ZFAND3: variants seen among roughly 807,000 people sequenced by gnomAD.
The protein encoded by ZFAND3 is AN1-type zinc finger protein 3.
A neutral mutation model predicts 29.6 loss-of-function variants in ZFAND3; 10 were observed. The observed-to-expected ratio is 0.34, with a 90% CI of 0.21 to 0.57. The LOEUF (loss-of-function observed/expected upper bound fraction) is 0.57, where lower values mean the gene tolerates loss of function less well. ZFAND3 is among the 20% of genes least tolerant of loss of function. The pLI is 0.86. For missense variants in ZFAND3, 230 were observed against 304.5 expected (o/e 0.76, Z 1.82); for synonymous variants, 128 against 112.6 (o/e 1.14, Z -0.87).
At chr6:38,119,908 A>C (rs1765496273) in intron 5 of ZFAND3, among the ~76,000 whole-genome samples, 1 of 152,226 alleles carries the variant, frequency 6.6e-6, no homozygotes, top group Non-Finnish European at 1.5e-5. Flanking sequence ...ATGGGCTTTC[A>C]GTAAGGAGGA....
intron 2 of ZFAND3, among the ~76,000 whole-genome samples, chr6:37,999,128 C>T (rs2127438713): frequency 6.6e-6 from 1 of 152,250 alleles, no homozygotes; most frequent in East Asian, 1.9e-4. Flanking sequence ...CTTTAAAAAA[C>T]CCCACAATGA....
rs76055357 is a variant in ZFAND3 at position 38,125,397 on chromosome 6, A to G, written c.529+8658A>G. ...CTGTCCCAGAGACCCAGCCTACCCT[A>G]TGTTCTTTGACAGGGCTGTAGAGAG... is the stretch of plus-strand genomic sequence containing the variant. On this transcript the variant is annotated intron_variant, in intron 5 of 5. Coordinates refer to ENST00000287218, the MANE Select transcript of ZFAND3 (RefSeq NM_021943.3). 5.8e-3 allele frequency among the ~76,000 whole-genome samples: 878 copies of G among 152,258 alleles called. 9 individuals are homozygous for G. Among genetic ancestry groups the G allele is most frequent in the African/African-American group, 0.02 (829 of 41,528 alleles).
chr6:37,918,066 T>TTTTTG (rs1180991058), intron 1 of ZFAND3, among the ~76,000 whole-genome samples: 1 of 152,088 alleles, frequency 6.6e-6, no homozygotes, highest in African/African-American at 2.4e-5. Context: ...TAGAAGTCTT[T>TTTTTG]TTTTGTTTTG....
rs375765323 is a variant in ZFAND3 at position 38,105,553 on chromosome 6, A to G, written c.362-11019A>G. Reference sequence around the variant, plus strand: ...AGTTTGTCCCAGGTTGCCAGGGATCAGTGGGGAACAGAGGGAAGTGGACAT... The same window carrying G: ...AGTTTGTCCCAGGTTGCCAGGGATCGGTGGGGAACAGAGGGAAGTGGACAT... On this transcript the variant is annotated intron_variant, in intron 4 of 5. Transcript: ENST00000287218. Among the ~76,000 whole-genome samples, 10 of 152,352 alleles carry G rather than the reference A, an allele frequency of 6.6e-5. No individual in the cohort carries two copies. The East Asian group carries it at 9.6e-4, about 15-fold the overall frequency.
intron 1 of ZFAND3, among the ~76,000 whole-genome samples, chr6:37,833,621 T>TA (rs1316165690): frequency 2.0e-5 from 3 of 152,052 alleles, no homozygotes; most frequent in African/African-American, 7.2e-5. Flanking sequence ...GGTCAGGAGT[T>TA]AGAGACTAGC....
At chr6:37,966,146 G>T (rs529160331) in intron 2 of ZFAND3, among the ~76,000 whole-genome samples, 1 of 152,290 alleles carries the variant, frequency 6.6e-6, no homozygotes, top group South Asian at 2.1e-4. Flanking sequence ...AATCATAGAA[G>T]AGGTTGGCAT....
chr6:37,905,685 C>T (rs544591890), intron 1 of ZFAND3, among the ~76,000 whole-genome samples: 1 of 152,156 alleles, frequency 6.6e-6, no homozygotes, highest in South Asian at 2.1e-4. Flanking sequence ...TTAGCTTATT[C>T]CCTTTTATAT....
intron 2 of ZFAND3, among the ~76,000 whole-genome samples, chr6:38,051,609 C>A (rs1048736846): frequency 6.6e-6 from 1 of 152,186 alleles, no homozygotes; most frequent in African/African-American, 2.4e-5. Flanking sequence ...TAGGCTCCAA[C>A]TTGCCTATTT....
intron 2 of ZFAND3, among the ~76,000 whole-genome samples, chr6:37,962,763 A>AC (rs1762220350): frequency 6.6e-6 from 1 of 152,064 alleles, no homozygotes; most frequent in African/African-American, 2.4e-5. Context: ...AGCAAGGGCA[A>AC]CCCTCTCGGG....
intron 1 of ZFAND3, among the ~76,000 whole-genome samples, chr6:37,864,814 G>A (rs1268667058): frequency 6.6e-6 from 1 of 151,612 alleles, no homozygotes. Flanking sequence ...TTATTCTTTG[G>A]TATTCCTGGG....
At chr6:37,920,052 CTTTTTTT>C (rs11389241) in intron 1 of ZFAND3, among the ~76,000 whole-genome samples, 2 of 93,410 alleles carry the variant, frequency 2.1e-5, no homozygotes, top group African/African-American at 3.9e-5. Flanking sequence ...TTTTTTGAAG[CTTTTTTT>C]TTTTTTTTTT....
chr6:37,863,719 G>A (rs1764535890), intron 1 of ZFAND3, among the ~76,000 whole-genome samples: 2 of 152,008 alleles, frequency 1.3e-5, no homozygotes, highest in Admixed American at 1.3e-4. Flanking sequence ...GGACCAGGCA[G>A]TCAGTCATCT....
intron 1 of ZFAND3, among the ~76,000 whole-genome samples, chr6:37,917,944 T>G (rs551314706): frequency 8.5e-5 from 13 of 152,376 alleles, no homozygotes; most frequent in Admixed American, 3.3e-4. Context: ...ATTAAAATTT[T>G]TCTTATATGT....
intron 2 of ZFAND3, among the ~76,000 whole-genome samples, chr6:38,001,417 GAC>G (rs1762946014): frequency 6.6e-6 from 1 of 152,184 alleles, no homozygotes; most frequent in African/African-American, 2.4e-5. Context: ...TATCTTGTAA[GAC>G]AGTCTGTGTT....
intron 2 of ZFAND3, among the ~76,000 whole-genome samples, chr6:38,023,782 TC>T (rs1322482968): frequency 6.6e-6 from 1 of 152,260 alleles, no homozygotes; most frequent in Admixed American, 6.5e-5. Flanking sequence ...AAGTGGTATT[TC>T]CGCTTCCTTA....
At chr6:38,099,624 G>C (rs1354640758) in intron 4 of ZFAND3, among the ~76,000 whole-genome samples, 1 of 152,112 alleles carries the variant, frequency 6.6e-6, no homozygotes, top group Non-Finnish European at 1.5e-5. Context: ...TACTAAAAAT[G>C]TATACATATA....
chr6:38,110,063 C>A (rs1581925772), intron 4 of ZFAND3, among the ~76,000 whole-genome samples: 4 of 152,120 alleles, frequency 2.6e-5, no homozygotes, highest in Admixed American at 2.6e-4. Context: ...AGTTTGTGAA[C>A]AACTGACTTT....
At chr6:37,896,572 C>CTTTCTTTTCTT (rs58677123) in intron 1 of ZFAND3, among the ~76,000 whole-genome samples, 1 of 21,294 alleles carries the variant, frequency 4.7e-5, no homozygotes. Context: ...CTTTCTTTCT[C>CTTTCTTTTCTT]TCTTTCTCTC....
At position 38,063,953 on chromosome 6, in the gene ZFAND3, GA is replaced by G. The variant is rs796706683; in HGVS notation, c.295+2189del. ...AAGGTGTAGAAATCATATAAGAGGA[GA>G]AAAAAAAAAACGGTGAAAATGGTAG... On this transcript the variant is annotated intron_variant, in intron 3 of 5. Transcript: ENST00000287218. Among the ~76,000 whole-genome samples, 724 of 143,590 alleles carry G rather than the reference GA, an allele frequency of 5.0e-3. 2 individuals carry two copies. Among genetic ancestry groups the G allele is most frequent in the African/African-American group, 0.013 (502 of 39,388 alleles). The allele number at this position is 143,590 out of a possible 152,430, so 94.2% of individuals were successfully genotyped here.
Sources: allele counts gnomAD v4.1 joint callset (sites outside exome capture counted in the v4.1 genomes callset), GRCh38; gene constraint gnomAD v4.1.1; transcripts MANE v1.5; gene names NCBI Gene and HGNC (gene_info 2026-07-23, HGNC 2026-07-21).